XPO1: variants seen among roughly 807,000 people sequenced by gnomAD.
The protein encoded by XPO1 is exportin 1, also known as exportin-1.
A neutral mutation model predicts 133.3 loss-of-function variants in XPO1; 5 were observed. The ratio of observed to expected loss-of-function variants is 0.04; its 90% CI spans 0.02 to 0.08. The LOEUF is 0.08. Ranked by LOEUF, XPO1 falls within the 10% of genes least tolerant of loss-of-function variation. The probability of loss-of-function intolerance (pLI) is 1.00; values close to 1 mark genes in which losing one functional copy is unlikely to be tolerated. For missense variants in XPO1, 506 were observed against 1,267.5 expected (o/e 0.40, Z 9.12); for synonymous variants, 419 against 408.2 (o/e 1.03, Z -0.32).
In XPO1 at chr2:61,483,193, C is replaced by CT. The variant is rs902406039; in HGVS notation, c.2678-103dup. 2.9e-4 allele frequency: 391 copies of CT among 1,332,344 alleles called. No individual in the cohort carries two copies. In the Middle Eastern group the frequency reaches 3.1e-3, roughly 10 times the overall value. 82.5% of individuals were successfully genotyped at this position (1,332,344 alleles called of 1,614,324 possible). A position where few individuals can be genotyped will look rare whatever the true frequency, so the allele number is the denominator to read the frequency against. ...TATTCTGAATCTAACCCTGTTCTCC[C>CT]TTTTTTTTGGGATGATGACTAATAA... On this transcript the variant is annotated intron_variant, in intron 21 of 24. Transcript: ENST00000401558.
chr2:61,493,427 A>C, intron 12 of XPO1: 1 of 191,450 alleles, frequency 5.2e-6, no homozygotes, highest in East Asian at 1.4e-4. Flanking sequence ...GAATTGCTTT[A>C]GTCTAGGAGT....
intron 1 of XPO1, chr2:61,536,330 T>C (rs976918486): frequency 2.0e-5 from 3 of 152,170 alleles, no homozygotes; most frequent in African/African-American, 4.8e-5. Flanking sequence ...ACTTAAGATA[T>C]ACAATCAGAC....
At chr2:61,509,285 A>T (rs2104599693) in intron 4 of XPO1, among the ~76,000 whole-genome samples, 2 of 151,944 alleles carry the variant, frequency 1.3e-5, no homozygotes, top group South Asian at 4.2e-4. Flanking sequence ...GATTACAGGC[A>T]TGAGCCACCA....
intron 4 of XPO1, 138 bp downstream of exon 4, chr2:61,522,473 T>C: frequency 1.4e-6 from 1 of 713,484 alleles, no homozygotes; most frequent in East Asian, 2.7e-5. Context: ...ACAGACCTGT[T>C]TGCTTCATGA....
intron 4 of XPO1, among the ~76,000 whole-genome samples, chr2:61,503,575 C>T (rs1697650213): frequency 6.6e-6 from 1 of 152,190 alleles, no homozygotes; most frequent in Non-Finnish European, 1.5e-5. Flanking sequence ...CAGGCGCCCG[C>T]CACCATGCTC....
At chr2:61,503,003 T>TCA (rs1216677946) in intron 4 of XPO1, among the ~76,000 whole-genome samples, 2 of 150,018 alleles carry the variant, frequency 1.3e-5, no homozygotes, top group Non-Finnish European at 3.0e-5. Flanking sequence ...TCCTGTTATG[T>TCA]CACACACACT....
At position 61,507,059 on chromosome 2, in the gene XPO1, G is replaced by T. The variant is rs564465970; in HGVS notation, c.302-4749C>A. 8.6e-5 allele frequency among the ~76,000 whole-genome samples: 13 copies of T among 151,636 alleles called. No homozygotes were observed. In the South Asian group the frequency reaches 2.7e-3, roughly 32 times the overall value. ...AGCCTGGCCAACGTGGTGAAACCTC[G>T]TCTCTACTAAAAATGCAAAAAATAA... On this transcript the variant is annotated intron_variant, in intron 4 of 24. Transcript: ENST00000401558.
In XPO1 at chr2:61,482,243, TTTG is replaced by T. The variant is rs1696422359; in HGVS notation, c.2972+134_2972+136del. ...TTTTTTTGTAGAGACGGGATCTTGT[TTTG>T]TTGTCTAGGTTGGTCTCCAACTTTT... is the stretch of plus-strand genomic sequence containing the variant. On this transcript the variant is annotated intron_variant, in intron 23 of 24. Transcript: ENST00000401558. 39 of 744,158 alleles carry T rather than the reference TTTG, an allele frequency of 5.2e-5. 1 individual carries two copies. In the South Asian group the frequency reaches 7.7e-4, roughly 15 times the overall value. 46.1% of individuals were successfully genotyped at this position (744,158 alleles called of 1,614,324 possible).
intron 4 of XPO1, among the ~76,000 whole-genome samples, chr2:61,504,120 A>T (rs1697680860): frequency 6.6e-6 from 1 of 152,220 alleles, no homozygotes; most frequent in Non-Finnish European, 1.5e-5. Flanking sequence ...TAGAAATACA[A>T]CATTAACTTC....
At chr2:61,493,294 T>TGG (rs1697081771) in intron 12 of XPO1, 1 of 357,802 alleles carries the variant, frequency 2.8e-6, no homozygotes, top group African/African-American at 2.1e-5. Context: ...ATAAAAATAC[T>TGG]GGGGCTTAAA....
At chr2:61,510,907 C>G (rs923240114) in intron 4 of XPO1, among the ~76,000 whole-genome samples, 2 of 148,096 alleles carry the variant, frequency 1.4e-5, no homozygotes, top group African/African-American at 5.0e-5. Context: ...CACTGCACTC[C>G]AGCTTGGGCG....
chr2:61,499,610 T>C (rs1357529716), intron 7 of XPO1, 103 bp downstream of exon 7: 1 of 1,137,872 alleles, frequency 8.8e-7, no homozygotes, highest in Admixed American at 3.2e-5. Flanking sequence ...CAATTTAACA[T>C]ATTACTGATC....
intron 4 of XPO1, among the ~76,000 whole-genome samples, chr2:61,507,004 C>T (rs1697855122): frequency 6.6e-6 from 1 of 151,470 alleles, no homozygotes; most frequent in Non-Finnish European, 1.5e-5. Flanking sequence ...CCGAGACGGG[C>T]AGATCATCTG....
chr2:61,518,127 C>G (rs2104700309), intron 4 of XPO1, among the ~76,000 whole-genome samples: 1 of 150,236 alleles, frequency 6.7e-6, no homozygotes, highest in Non-Finnish European at 1.5e-5. Flanking sequence ...GGGACTCTGT[C>G]TCACAAAAAA....
rs1344508283 is a variant in XPO1 at position 61,499,853 on chromosome 2, G to A, written c.450C>T (p.Ile150=). The A allele has an allele frequency of 6.2e-7, 1 of 1,611,618 alleles. No individual in the cohort carries two copies. Among genetic ancestry groups the A allele is most frequent in the Non-Finnish European group, 8.5e-7 (1 of 1,179,516 alleles). Residue 150 remains isoleucine (I), a synonymous_variant, in exon 7 of 25, where the codon ATC becomes ATT. Transcript: ENST00000401558. ...QEWPKHWPTF[I]SDIVGASRTS... ...TCCTACTTGCTCCAACAATATCACT[G>A]ATAAAAGTTGGCCAATGTTTGGGCC...
At position 61,499,743 on chromosome 2, in the gene XPO1, G is replaced by C; in HGVS notation, c.560C>G (p.Thr187Ser). The C allele has an allele frequency of 6.3e-7, 1 of 1,595,444 alleles. No individual in the cohort carries two copies. The highest frequency in any genetic ancestry group is 8.5e-7 in the Non-Finnish European group (1 of 1,175,362). ...TTTTAAATGCTTAGATTTGACTTGGGTTATCTGTCCACTAGAGAAATCAAA... is the reference window on the plus strand; with the variant it reads ...TTTTAAATGCTTAGATTTGACTTGGCTTATCTGTCCACTAGAGAAATCAAA... ...EVFDFSSGQI[T>S]QVKSKHLKDS... The change falls in exon 7 of 25, where the codon ACC becomes AGC. Residue 187 changes from threonine to serine, a missense_variant. By Grantham distance (58) the Thr-to-Ser change is moderately conservative. This residue lies in a region of XPO1 where 68 missense variants were observed against 210.5 expected (regional missense o/e 0.32). Coordinates refer to ENST00000401558, the MANE Select transcript of XPO1 (RefSeq NM_003400.4).
intron 4 of XPO1, 167 bp from the exon 5 acceptor site, chr2:61,502,477 C>G (rs976855845): frequency 3.4e-6 from 2 of 591,932 alleles, no homozygotes; most frequent in Non-Finnish European, 5.7e-6. Flanking sequence ...CGGCCCGGTG[C>G]GGTGGCTCAC....
At chr2:61,497,342 G>A (rs1256249857) in intron 9 of XPO1, among the ~76,000 whole-genome samples, 7 of 152,058 alleles carry the variant, frequency 4.6e-5, no homozygotes, top group African/African-American at 1.4e-4. Context: ...CTCTCAAATA[G>A]CTGGGACTAC....
intron 2 of XPO1, among the ~76,000 whole-genome samples, chr2:61,532,111 TTTTTA>T (rs916213112): frequency 2.6e-4 from 40 of 152,196 alleles, no homozygotes; most frequent in East Asian, 1.9e-3. Context: ...GGTTTAGGTT[TTTTTA>T]TTTTATTTTA....
Sources: allele counts gnomAD v4.1 joint callset (sites outside exome capture counted in the v4.1 genomes callset), GRCh38; gene constraint gnomAD v4.1.1; regional missense constraint gnomAD v4.1.1; transcripts MANE v1.5; gene names NCBI Gene and HGNC (gene_info 2026-07-23, HGNC 2026-07-21).